Variants in LINGO2 observed in about 807,000 individuals in gnomAD.
LINGO2 encodes the protein leucine rich repeat and Ig domain containing 2.
Under a neutral mutation model 30.6 loss-of-function variants are expected in LINGO2, and 14 were observed. That is an observed-to-expected ratio of 0.46 (90% CI 0.30 to 0.72). LINGO2 has a LOEUF of 0.72. Among genes scored for constraint, LINGO2 ranks in the 30% least tolerant of loss-of-function variants. LINGO2 has a pLI of 0.07. For missense variants in LINGO2, 729 were observed against 751.7 expected, an observed-to-expected ratio of 0.97 and a Z score of 0.35; for synonymous variants, 317 against 288.5, an observed-to-expected ratio of 1.10 and a Z score of -1.00.
At chr9:28,327,769 T>C (rs1182403921) in intron 3 of LINGO2, among the ~76,000 whole-genome samples, 2 of 152,324 alleles carry the variant, frequency 1.3e-5, no homozygotes, top group Non-Finnish European at 1.5e-5. Context: ...TGGCAGCTGT[T>C]CTTACAAATC....
At position 28,667,397 on chromosome 9, in the gene LINGO2, T is replaced by C. The variant is rs10968709; in HGVS notation, c.-365+2803A>G. Among the ~76,000 whole-genome samples the C allele has an allele frequency of 0.011, 1,625 of 152,228 alleles. 70 individuals carry two copies. The East Asian group carries it at 0.15, about 14-fold the overall frequency. The stretch of plus-strand genomic sequence containing the variant: ...ATTTACAGAGAGTCACCATCATCTC[T>C]TACACTTTTAAATTTTACTTTCTCC... On this transcript the variant is annotated intron_variant, in intron 1 of 5. Coordinates refer to ENST00000379992, the Ensembl canonical transcript of LINGO2.
At chr9:28,310,250 ACT>A (rs1824559071) in intron 3 of LINGO2, among the ~76,000 whole-genome samples, 1 of 152,186 alleles carries the variant, frequency 6.6e-6, no homozygotes, top group Non-Finnish European at 1.5e-5. Context: ...GTTCCTAGAA[ACT>A]TTTTTGGCAG....
the LINGO2 span, among the ~76,000 whole-genome samples, chr9:28,963,061 C>T: frequency 3.3e-5 from 5 of 151,836 alleles, no homozygotes; most frequent in East Asian, 7.7e-4. Context: ...AAGTGTTTAG[C>T]GCTGACAATT....
the LINGO2 span, among the ~76,000 whole-genome samples, chr9:28,825,861 C>A: frequency 6.6e-6 from 1 of 152,076 alleles, no homozygotes; most frequent in Non-Finnish European, 1.5e-5. Flanking sequence ...TATCTTGGAG[C>A]CATCAAAGTT....
At position 28,608,595 on chromosome 9, in the gene LINGO2, G is replaced by A. The variant is rs117871765; in HGVS notation, c.-365+61605C>T. Among the ~76,000 whole-genome samples, 758 of 151,786 alleles carry A rather than the reference G, an allele frequency of 5.0e-3. 8 individuals carry two copies. Among genetic ancestry groups the A allele is most frequent in the Non-Finnish European group, 9.0e-3 (610 of 67,846 alleles). ...GAAGTTTAATAGCTGTTTTTGGTCC[G>A]CGCAAATTTTCAATATCTTGGTGAG... On this transcript the variant is annotated intron_variant, in intron 1 of 5. Coordinates refer to ENST00000379992, the Ensembl canonical transcript of LINGO2.
At chr9:29,186,927 A>G in the LINGO2 span, among the ~76,000 whole-genome samples, 1 of 152,194 alleles carries the variant, frequency 6.6e-6, no homozygotes, top group Non-Finnish European at 1.5e-5. Context: ...GACAATAATA[A>G]TAAAATTGTA....
the LINGO2 span, among the ~76,000 whole-genome samples, chr9:28,831,300 C>T: frequency 6.6e-6 from 1 of 152,074 alleles, no homozygotes; most frequent in Non-Finnish European, 1.5e-5. Flanking sequence ...AGACTATTCT[C>T]ATATAAGAAA....
At chr9:28,586,256 G>C (rs2135680325) in intron 1 of LINGO2, among the ~76,000 whole-genome samples, 1 of 151,990 alleles carries the variant, frequency 6.6e-6, no homozygotes, top group African/African-American at 2.4e-5. Flanking sequence ...CATTTAAAAA[G>C]AGCAACCTTA....
At chr9:28,887,075 G>A in the LINGO2 span, among the ~76,000 whole-genome samples, 1 of 152,090 alleles carries the variant, frequency 6.6e-6, no homozygotes, top group African/African-American at 2.4e-5. Context: ...TCCAACGAGT[G>A]AGGCAGGACC....
the LINGO2 span, among the ~76,000 whole-genome samples, chr9:29,061,314 C>T: frequency 2.0e-5 from 3 of 151,862 alleles, no homozygotes; most frequent in South Asian, 2.1e-4. Flanking sequence ...AAAATCCCAA[C>T]GTTTTCTGCA....
the LINGO2 span, among the ~76,000 whole-genome samples, chr9:28,725,977 A>C: frequency 1.2e-4 from 18 of 152,172 alleles, no homozygotes; most frequent in Admixed American, 2.0e-4. Context: ...TAATATATCA[A>C]ATAATAAAAC....
the LINGO2 span, among the ~76,000 whole-genome samples, chr9:28,939,896 T>C: frequency 6.6e-6 from 1 of 152,186 alleles, no homozygotes; most frequent in Non-Finnish European, 1.5e-5. Context: ...GATTAAAAAG[T>C]AGAATAAATC....
intron 1 of LINGO2, among the ~76,000 whole-genome samples, chr9:28,492,642 C>T (rs1018754644): frequency 6.6e-6 from 1 of 152,094 alleles, no homozygotes; most frequent in Non-Finnish European, 1.5e-5. Flanking sequence ...ATTATTCCCT[C>T]CATTGAAGAA....
chr9:28,277,142 C>T (rs996191481), intron 4 of LINGO2, among the ~76,000 whole-genome samples: 1 of 152,064 alleles, frequency 6.6e-6, no homozygotes, highest in African/African-American at 2.4e-5. Context: ...TTTATTGGTG[C>T]CATTTTTCCA....
At chr9:28,636,185 G>A (rs903628100) in intron 1 of LINGO2, among the ~76,000 whole-genome samples, 4 of 152,086 alleles carry the variant, frequency 2.6e-5, no homozygotes, top group Non-Finnish European at 5.9e-5. Flanking sequence ...TAGTATCCAT[G>A]GTGTATATAT....
At chr9:28,176,764 T>A (rs755583603) in intron 4 of LINGO2, among the ~76,000 whole-genome samples, 3 of 152,186 alleles carry the variant, frequency 2.0e-5, no homozygotes, top group Non-Finnish European at 4.4e-5. Flanking sequence ...ATTGATGGTT[T>A]GATATAGACA....
chr9:28,531,330 G>A (rs1313496259), intron 1 of LINGO2, among the ~76,000 whole-genome samples: 2 of 151,872 alleles, frequency 1.3e-5, no homozygotes, highest in South Asian at 2.1e-4. Flanking sequence ...GGAGCATTAA[G>A]GCATTGGTTA....
intron 1 of LINGO2, among the ~76,000 whole-genome samples, chr9:28,554,828 C>T (rs1219834338): frequency 1.4e-5 from 2 of 144,246 alleles, no homozygotes; most frequent in Non-Finnish European, 3.0e-5. Context: ...AACTAGAACT[C>T]AGGATTAAGA....
intron 3 of LINGO2, among the ~76,000 whole-genome samples, chr9:28,370,089 A>C (rs1820835284): frequency 6.6e-6 from 1 of 152,204 alleles, no homozygotes; most frequent in African/African-American, 2.4e-5. Context: ...ATTAGATCTA[A>C]GATCTATAAT....
Sources: gnomAD v4.1 joint callset for allele counts (sites outside exome capture counted in the v4.1 genomes callset) on GRCh38, gnomAD v4.1.1 for gene constraint, MANE v1.5 for transcripts, NCBI Gene and HGNC (gene_info 2026-07-23, HGNC 2026-07-21) for gene names.